The following MAST1 variants were observed in gnomAD, a reference collection of about 807,000 sequenced individuals.
MAST1 encodes microtubule-associated serine/threonine-protein kinase 1.
MAST1 carries 40 observed loss-of-function variants against 124.6 expected under a neutral mutation model. That is an observed-to-expected ratio of 0.32 (90% CI 0.25 to 0.42). MAST1 has a LOEUF of 0.42. Among genes scored for constraint, MAST1 ranks in the 10% least tolerant of loss-of-function variants. The probability of loss-of-function intolerance (pLI) is 1.00; values close to 1 mark genes in which losing one functional copy is unlikely to be tolerated. For synonymous variants in MAST1, 938 were observed against 939.4 expected (o/e 1.00, Z 0.03); for missense variants, 1,558 against 2,181.9 (o/e 0.71, Z 5.70).
At chr19:12,858,006 C>CAAAAAAAAA (rs539497049) in intron 10 of MAST1, among the ~76,000 whole-genome samples, 3 of 49,444 alleles carry the variant, frequency 6.1e-5, no homozygotes, top group African/African-American at 1.1e-4. Flanking sequence ...GAACCTATCT[C>CAAAAAAAAA]AAAAAAAAAA....
chr19:12,854,712 T>C lies in MAST1; in HGVS notation c.1077+2317T>C, dbSNP rs542931165. Among the ~76,000 whole-genome samples, 125 of 152,280 alleles carry C rather than the reference T, an allele frequency of 8.2e-4. 2 individuals carry two copies. In the South Asian group the frequency reaches 0.018, roughly 22 times the overall value. On this transcript the variant is annotated intron_variant, in intron 10 of 25. Transcript: ENST00000251472. ...GTTATTTAGGATATACGTCTAGAGGTGGAATTTCTTGGTCATATGGTAGCT... is the reference window on the plus strand; with the variant it reads ...GTTATTTAGGATATACGTCTAGAGGCGGAATTTCTTGGTCATATGGTAGCT...
chr19:12,868,002 C>T (rs772556823), intron 20 of MAST1, 25 bp downstream of exon 20: 1 of 1,512,104 alleles, frequency 6.6e-7, no homozygotes. Flanking sequence ...GTGCTGCCTT[C>T]CCCAATCTTC....
rs531669731 is a variant in MAST1, at chr19:12,867,661, G to C, written c.2318+9G>C. ...GGGGGCTCTCCGGAGATGTGAGCAG[G>C]GGAATGGCGGAGTTTGGGGGCGGGG... On this transcript the variant is annotated intron_variant, in intron 19 of 25. Transcript: ENST00000251472. 4.1e-5 allele frequency: 64 copies of C among 1,569,458 alleles called. No homozygotes were observed. The South Asian group carries it at 6.7e-4, about 16-fold the overall frequency.
chr19:12,865,546 G>T lies in MAST1; in HGVS notation c.1804+65G>T, dbSNP rs1970141190. ...GCACGGAGAGATGGACAGGCTCAGG[G>T]TTCCAGGGATTTCAAAAGCGACCCC... On this transcript the variant is annotated intron_variant, in intron 15 of 25. Transcript: ENST00000251472. The surrounding 1 kb of genome is among the most constrained non-coding windows in gnomAD (Gnocchi z 7.1). 3 of 1,530,512 alleles carry T rather than the reference G, an allele frequency of 2.0e-6. No homozygotes were observed. In the South Asian group the frequency reaches 3.9e-5, roughly 20 times the overall value. The allele number at this position is 1,530,512 out of a possible 1,614,324, so 94.8% of individuals were successfully genotyped here.
chr19:12,872,102 C>T (rs563775184), intron 24 of MAST1, among the ~76,000 whole-genome samples: 2 of 151,922 alleles, frequency 1.3e-5, no homozygotes, highest in South Asian at 2.1e-4. Flanking sequence ...ATGGTCCTAT[C>T]CTGTTAGATG....
chr19:12,868,679 C>G lies in MAST1; in HGVS notation c.2603C>G (p.Ser868Trp), dbSNP rs1265772605. ...CGCCCAGGTGACCTCTGCCCACCCT[C>G]GAAGGATGGGGATGCATCAGGCCCA... is the stretch of plus-strand genomic sequence containing the variant. ...RPRPGDLCPP[S>W]KDGDASGPRA... The change falls in exon 21 of 26, where the codon TCG (serine) becomes TGG (tryptophan). Residue 868 changes from serine (S) to tryptophan (W), a missense_variant. Around this residue, in one of 10 missense-constraint regions of MAST1, gnomAD observed 287 missense variants for 308.0 expected, o/e 0.93. Transcript: ENST00000251472. The G allele has an allele frequency of 1.2e-6, 2 of 1,609,674 alleles. No homozygotes were observed. The highest frequency in any genetic ancestry group is 3.4e-5 in the Admixed American group (2 of 59,514).
At position 12,874,692 on chromosome 19, in the gene MAST1, T is replaced by C; in HGVS notation, c.4535T>C (p.Leu1512Pro). The C allele has an allele frequency of 6.4e-7, 1 of 1,567,044 alleles. No homozygotes were observed. The highest frequency in any genetic ancestry group is 8.7e-7 in the Non-Finnish European group (1 of 1,150,710). ...TCCCCGGAGCCCCAGACACCCTCCC[T>C]AGCCCCAGCGAAGTGCAGTGCACCC... ...KLSPEPQTPS[L>P]APAKCSAPSS... Residue 1512 changes from leucine to proline, a missense_variant, in exon 26 of 26, where the codon CTA becomes CCA. By Grantham distance (98) the Leu-to-Pro change is moderately conservative. Transcript: ENST00000251472. This position sits in a 1 kb window ranked among gnomAD's most constrained non-coding sequence, Gnocchi z 6.6.
rs756835382 is a variant in MAST1, at chr19:12,847,651, G to C, written c.528G>C (p.Val176=). 3 of 1,614,102 alleles carry C rather than the reference G, an allele frequency of 1.9e-6. No individual in the cohort carries two copies. Among genetic ancestry groups the C allele is most frequent in the Non-Finnish European group, 1.7e-6 (2 of 1,180,000 alleles). ...RSPSSYDNEI[V]MMNHVYKERF... is the part of the protein sequence containing the mutation. ...CCTCCTCCTACGACAACGAGATCGT[G>C]ATGATGAATCACGTCTACAAGGAGA... is the stretch of plus-strand genomic sequence containing the variant. The change falls in exon 6 of 26, where the codon GTG becomes GTC. Residue 176 remains valine (V), a synonymous_variant. Coordinates refer to ENST00000251472, the MANE Select transcript of MAST1 (RefSeq NM_014975.3). This position sits in a 1 kb window ranked among gnomAD's most constrained non-coding sequence, Gnocchi z 5.5.
intron 10 of MAST1, among the ~76,000 whole-genome samples, 173 bp downstream of exon 10, chr19:12,852,568 C>T (rs908892236): frequency 2.6e-5 from 4 of 152,000 alleles, no homozygotes; most frequent in African/African-American, 9.7e-5. Context: ...GCCTGGCATG[C>T]TGGCTCATGC....
At position 12,839,290 on chromosome 19, in the gene MAST1, A is replaced by C. The variant is rs374724547; in HGVS notation, c.83+635A>C. Among the ~76,000 whole-genome samples, 23 of 152,238 alleles carry C rather than the reference A, an allele frequency of 1.5e-4. 1 individual carries two copies. The South Asian group carries it at 4.6e-3, about 30-fold the overall frequency. ...AGGTGCCACACATACCTAGCCTTGCAGCTGCCACAGGTCAGAACCATGCAC... is the reference window on the plus strand; with the variant it reads ...AGGTGCCACACATACCTAGCCTTGCCGCTGCCACAGGTCAGAACCATGCAC... On this transcript the variant is annotated intron_variant, in intron 1 of 25. Coordinates refer to ENST00000251472, the MANE Select transcript of MAST1 (RefSeq NM_014975.3).
Position 12,842,204 on chromosome 19 carries a change from CTG to C in MAST1, c.248+1145_248+1146del, listed in dbSNP as rs1969838414. Among the ~76,000 whole-genome samples the C allele has an allele frequency of 2.0e-5, 3 of 152,028 alleles. No individual in the cohort carries two copies. In the South Asian group the frequency reaches 6.2e-4, roughly 32 times the overall value. On this transcript the variant is annotated intron_variant, in intron 3 of 25. Coordinates refer to ENST00000251472, the MANE Select transcript of MAST1 (RefSeq NM_014975.3). ...GTATGTCTCCAGGTGAGCGTGCAAT[CTG>C]TGTGTGGGTGTAAGCGTGTGTGAGT...
intron 12 of MAST1, 80 bp from the exon 13 acceptor site, chr19:12,864,729 C>T (rs1415543858): frequency 5.5e-5 from 86 of 1,565,106 alleles, no homozygotes; most frequent in Non-Finnish European, 7.2e-5. Context: ...TACAACATAA[C>T]ATGAGAAGTT....
At chr19:12,858,006 CAAAAAAAAAAAA>C (rs539497049) in intron 10 of MAST1, among the ~76,000 whole-genome samples, 11 of 49,420 alleles carry the variant, frequency 2.2e-4, no homozygotes, top group Admixed American at 2.2e-3. Flanking sequence ...GAACCTATCT[CAAAAAAAAAAAA>C]AAAAAAAAAA....
At chr19:12,858,483 C>T in intron 11 of MAST1, 42 bp downstream of exon 11, 1 of 1,611,814 alleles carries the variant, frequency 6.2e-7, no homozygotes, top group Non-Finnish European at 8.5e-7. Flanking sequence ...GTGGCGGAGG[C>T]CGGGTGTCTC....
At chr19:12,868,978 G>A in intron 21 of MAST1, 88 bp from the exon 22 acceptor site, 8 of 1,536,006 alleles carry the variant, frequency 5.2e-6, no homozygotes, top group Non-Finnish European at 7.2e-6. Flanking sequence ...AGGCTGCTCT[G>A]CCACTGCCTT....
chr19:12,868,877 A>C (rs752006832), intron 21 of MAST1, 28 bp downstream of exon 21: 2 of 1,555,166 alleles, frequency 1.3e-6, no homozygotes, highest in Admixed American at 1.8e-5. Flanking sequence ...CTGGCAGGGG[A>C]GGGGCTGCCC....
At chr19:12,870,299 C>T (rs755108444) in intron 22 of MAST1, among the ~76,000 whole-genome samples, 1 of 151,140 alleles carries the variant, frequency 6.6e-6, no homozygotes, top group African/African-American at 2.4e-5. Flanking sequence ...ATCAGCCTGA[C>T]CAACATGGTG....
intron 21 of MAST1, 49 bp from the exon 22 acceptor site, chr19:12,869,017 A>G: frequency 1.9e-6 from 3 of 1,584,456 alleles, no homozygotes; most frequent in Non-Finnish European, 2.6e-6. Flanking sequence ...ATACAGGGAG[A>G]TGTCTATCTT....
rs200178842 is a variant in MAST1, at chr19:12,867,723, C to T, written c.2319-7C>T. ...GTGTCTTCCATAACCACGCCCCCTC[C>T]ATGCAGCAAGCGATTCTCCGCGTCC... On this transcript the variant is annotated splice_region_variant and splice_polypyrimidine_tract_variant and intron_variant, in intron 19 of 25. Coordinates refer to ENST00000251472, the MANE Select transcript of MAST1 (RefSeq NM_014975.3). 16 of 1,531,848 alleles carry T rather than the reference C, an allele frequency of 1.0e-5. No homozygotes were observed. The Admixed American group carries it at 1.3e-4, about 12-fold the overall frequency. The allele number at this position is 1,531,848 out of a possible 1,614,324, so 94.9% of individuals were successfully genotyped here.
Sources: allele counts gnomAD v4.1 joint callset (sites outside exome capture counted in the v4.1 genomes callset), GRCh38; gene constraint gnomAD v4.1.1; regional missense constraint gnomAD v4.1.1; non-coding constraint Gnocchi (gnomAD v3.1); transcripts MANE v1.5; gene names NCBI Gene and HGNC (gene_info 2026-07-23, HGNC 2026-07-21).